Variants in KANSL1 observed in about 807,000 individuals in gnomAD.
KANSL1 encodes the protein MLL1/MLL complex subunit KANSL1.
KANSL1 carries 22 observed loss-of-function variants against 103.6 expected under a neutral mutation model. The observed-to-expected ratio is 0.21, with a 90% CI of 0.15 to 0.30. KANSL1 has a LOEUF of 0.30. Among genes scored for constraint, KANSL1 ranks in the 10% least tolerant of loss-of-function variants. The pLI, the probability that KANSL1 is intolerant of heterozygous loss-of-function variation, is 1.00. For missense variants in KANSL1, 1,337 were observed against 1,399.8 expected (o/e 0.96, Z 0.72); for synonymous variants, 600 against 527.6 (o/e 1.14, Z -1.88).
At chr17:46,115,557 A>C (rs17577369) in intron 2 of KANSL1, among the ~76,000 whole-genome samples, 8 of 152,272 alleles carry the variant, frequency 5.3e-5, no homozygotes, top group South Asian at 2.1e-4. Flanking sequence ...ATAACTTTAG[A>C]TATGTATTAC....
chr17:46,123,526 A>C (rs1405652656), intron 2 of KANSL1, among the ~76,000 whole-genome samples: 1 of 152,248 alleles, frequency 6.6e-6, no homozygotes, highest in Non-Finnish European at 1.5e-5. Context: ...AAAATTTAAA[A>C]AGTGCTACTC....
intron 7 of KANSL1, chr17:46,041,913 T>TGTGTGTGTGTGTG (rs2077336908): frequency 1.8e-5 from 2 of 110,846 alleles, no homozygotes; most frequent in African/African-American, 5.5e-5. Context: ...TGTGTGTGTA[T>TGTGTGTGTGTGTG]ATTTTTTTTT....
At chr17:46,045,680 G>A (rs990212809) in intron 7 of KANSL1, 1 of 152,186 alleles carries the variant, frequency 6.6e-6, no homozygotes, top group African/African-American at 2.4e-5. Flanking sequence ...TGTGGGAGGT[G>A]TAAGGTATGC....
intron 1 of KANSL1, among the ~76,000 whole-genome samples, chr17:46,199,599 C>T (rs2047727292): frequency 6.6e-6 from 1 of 152,214 alleles, no homozygotes; most frequent in Non-Finnish European, 1.5e-5. Flanking sequence ...TCCAACCTAA[C>T]AAGATATTTT....
chr17:46,047,298 G>T (rs1337724162), intron 7 of KANSL1, among the ~76,000 whole-genome samples: 1 of 152,170 alleles, frequency 6.6e-6, no homozygotes, highest in Non-Finnish European at 1.5e-5. Flanking sequence ...CAATTAGAAG[G>T]ATTCTCTCTA....
At chr17:46,034,134 G>A (rs751853822) in intron 11 of KANSL1, 27 bp downstream of exon 11, 4 of 1,611,778 alleles carry the variant, frequency 2.5e-6, no homozygotes, top group Non-Finnish European at 3.4e-6. Context: ...AGAATGGGGA[G>A]AGGAGCCAAC....
chr17:46,049,895 A>G (rs1293125238), intron 7 of KANSL1: 1 of 152,122 alleles, frequency 6.6e-6, no homozygotes, highest in Non-Finnish European at 1.5e-5. Flanking sequence ...ATCCTACATT[A>G]TATCATGGCA....
chr17:46,038,904 C>T (rs1568374179), intron 9 of KANSL1, 123 bp downstream of exon 9: 1 of 1,291,982 alleles, frequency 7.7e-7, no homozygotes, highest in Non-Finnish European at 1.1e-6. Flanking sequence ...AGTAGCGTCC[C>T]TCTACTCTGC....
At chr17:46,058,764 C>T (rs1272505185) in intron 6 of KANSL1, among the ~76,000 whole-genome samples, 63 of 92,674 alleles carry the variant, frequency 6.8e-4, no homozygotes, top group African/African-American at 2.1e-3. Flanking sequence ...CTCTCTCTCT[C>T]TCTCTCTCTC....
intron 10 of KANSL1, among the ~76,000 whole-genome samples, chr17:46,037,053 T>C (rs976075676): frequency 2.0e-5 from 3 of 152,146 alleles, no homozygotes; most frequent in Non-Finnish European, 4.4e-5. Flanking sequence ...TTGAAAAAAC[T>C]TGGCAATGAG....
intron 2 of KANSL1, among the ~76,000 whole-genome samples, chr17:46,165,271 C>T (rs2532283): frequency 0.12 from 18,558 of 149,870 alleles, 23 homozygotes; most frequent in Middle Eastern, 0.19. Context: ...CTCGCTCTGT[C>T]GCCCAGGCTG....
intron 2 of KANSL1, among the ~76,000 whole-genome samples, chr17:46,108,332 T>A: frequency 6.6e-6 from 1 of 152,190 alleles, no homozygotes; most frequent in East Asian, 1.9e-4. Flanking sequence ...CAGGACCTTT[T>A]ATTTGCTATT....
chr17:46,059,439 T>C (rs1040286491), intron 6 of KANSL1, among the ~76,000 whole-genome samples: 4 of 151,448 alleles, frequency 2.6e-5, no homozygotes, highest in Admixed American at 2.6e-4. Context: ...GCCAACATGG[T>C]GAAACCCCGT....
intron 5 of KANSL1, 27 bp downstream of exon 5, chr17:46,067,522 G>A (rs749995212): frequency 1.2e-5 from 15 of 1,289,786 alleles, no homozygotes; most frequent in Non-Finnish European, 1.6e-5. Context: ...TCTACTAAGT[G>A]TAGGAAGTAG....
Position 46,039,232 on chromosome 17 carries a change from A to G in KANSL1, c.2204-17T>C. 6.5e-7 allele frequency: 1 copy of G among 1,543,958 alleles called. No individual in the cohort carries two copies. Among genetic ancestry groups the G allele is most frequent in the Non-Finnish European group, 8.7e-7 (1 of 1,151,046 alleles). On this transcript the variant is annotated splice_polypyrimidine_tract_variant and intron_variant, in intron 8 of 14. Transcript: ENST00000432791. ...GGGACAGCTCTGAAGAGGGGAACAG[A>G]AAAAGAGCTGTGAAATATGTCCTCT...
chr17:46,127,367 A>T (rs2043622449), intron 2 of KANSL1, among the ~76,000 whole-genome samples: 1 of 152,246 alleles, frequency 6.6e-6, no homozygotes, highest in South Asian at 2.1e-4. Flanking sequence ...CATCTTCAAA[A>T]CAACATCAAG....
At chr17:46,149,298 G>A (rs922914097) in intron 2 of KANSL1, among the ~76,000 whole-genome samples, 2 of 152,234 alleles carry the variant, frequency 1.3e-5, no homozygotes, top group African/African-American at 4.8e-5. Flanking sequence ...ACTGCGCCCA[G>A]CCTGCCTCTT....
intron 4 of KANSL1, among the ~76,000 whole-genome samples, chr17:46,076,946 TC>T (rs1452335750): frequency 2.0e-5 from 3 of 152,212 alleles, no homozygotes; most frequent in Non-Finnish European, 4.4e-5. Context: ...CCATGGGGTT[TC>T]TAAGTATCAT....
chr17:46,099,574 T>C (rs564496792), intron 2 of KANSL1, among the ~76,000 whole-genome samples: 9 of 152,342 alleles, frequency 5.9e-5, no homozygotes, highest in Non-Finnish European at 1.2e-4. Context: ...ACTTGGTTTC[T>C]AATATAGTCA....
Sources: gnomAD v4.1 joint callset for allele counts (sites outside exome capture counted in the v4.1 genomes callset) on GRCh38, gnomAD v4.1.1 for gene constraint, MANE v1.5 for transcripts, NCBI Gene and HGNC (gene_info 2026-07-23, HGNC 2026-07-21) for gene names.